The following TREML1 variants were observed in gnomAD, a reference collection of about 807,000 sequenced individuals.
The protein encoded by TREML1 is trem-like transcript 1 protein.
A neutral mutation model predicts 22.8 loss-of-function variants in TREML1; 27 were observed. The observed-to-expected ratio is 1.19, with a 90% CI of 0.87 to 1.64. The LOEUF (loss-of-function observed/expected upper bound fraction) is 1.64. TREML1 is among the 40% of genes most tolerant of loss of function. The pLI is 0.00. For synonymous variants in TREML1, 153 were observed against 161.9 expected (o/e 0.94, Z 0.42); for missense variants, 356 against 382.0 (o/e 0.93, Z 0.57).
chr6:41,151,210 TG>T, intron 3 of TREML1, 71 bp downstream of exon 3: 3 of 1,340,446 alleles, frequency 2.2e-6, no homozygotes, highest in Non-Finnish European at 3.2e-6. Flanking sequence ...CGATTTAGTT[TG>T]GAGCTCTAAA....
At chr6:41,151,557 C>A in intron 2 of TREML1, 173 bp from the exon 3 acceptor site, 1 of 609,254 alleles carries the variant, frequency 1.6e-6, no homozygotes, top group Non-Finnish European at 2.9e-6. Context: ...AGGGGCCTGT[C>A]ACTCCACAGA....
chr6:41,151,173 G>T, intron 3 of TREML1, 109 bp downstream of exon 3: 1 of 999,104 alleles, frequency 1.0e-6, no homozygotes, highest in South Asian at 1.4e-5. Flanking sequence ...TTCCCCAGAG[G>T]TGGGAAGAAT....
At chr6:41,151,604 G>T (rs1765249998) in intron 2 of TREML1, 2 of 551,198 alleles carry the variant, frequency 3.6e-6, no homozygotes. Context: ...TCTTTACCTG[G>T]TTGTGACTAC....
intron 5 of TREML1, 55 bp from the exon 6 acceptor site, chr6:41,149,973 T>A: frequency 6.5e-7 from 1 of 1,548,994 alleles, no homozygotes; most frequent in East Asian, 2.2e-5. Flanking sequence ...GAACTCCCTT[T>A]GGTGGGAAGC....
intron 2 of TREML1, among the ~76,000 whole-genome samples, chr6:41,151,935 C>A (rs1561873586): frequency 6.6e-6 from 1 of 152,170 alleles, no homozygotes; most frequent in African/African-American, 2.4e-5. Flanking sequence ...CAACACAAAC[C>A]AACTGACCCT....
chr6:41,152,780 C>A, intron 2 of TREML1, among the ~76,000 whole-genome samples: 1 of 151,976 alleles, frequency 6.6e-6, no homozygotes, highest in Non-Finnish European at 1.5e-5. Context: ...GGCTGAGACA[C>A]AAGAATCACT....
Position 41,154,008 on chromosome 6 carries a change from G to T in TREML1, c.126C>A (p.Leu42=). 6.2e-7 allele frequency: 1 copy of T among 1,614,158 alleles called. No individual in the cohort carries two copies. The highest frequency in any genetic ancestry group is 8.5e-7 in the Non-Finnish European group (1 of 1,180,026). The change falls in exon 2 of 6, where the codon CTC becomes CTA. Residue 42 remains leucine, a synonymous_variant. Transcript: ENST00000426005. The stretch of plus-strand genomic sequence containing the variant: ...ACACCTTCTGAGCTTTGACATCCTG[G>T]AGCCTGTAGTGGCACTGCACCAGAA... ...SSILVQCHYR[L]QDVKAQKVWC...
Position 41,150,875 on chromosome 6 carries a change from A to AC in TREML1, c.511dup (p.Val171GlyfsTer48). ...CACCACCGCTGCCACCAGCAGACCT[A>AC]CCAGGAGCACAGCACCCCAGATCAA... On this transcript the variant is annotated frameshift_variant, in exon 4 of 6. Transcript: ENST00000426005. LOFTEE classifies it high-confidence loss of function. 6.2e-7 allele frequency: 1 copy of AC among 1,614,128 alleles called. No homozygotes were observed. The highest frequency in any genetic ancestry group is 2.2e-5 in the East Asian group (1 of 44,876).
rs1041515038 is a variant in TREML1, at chr6:41,150,445, A to G, written c.569-132T>C. The stretch of plus-strand genomic sequence containing the variant: ...CTCACCTTCCCCACTCCCACCACCA[A>G]ACCTTTACCCCTTCCATCTCCCCAG... On this transcript the variant is annotated intron_variant, in intron 4 of 5. Transcript: ENST00000426005. 5 of 795,248 alleles carry G rather than the reference A, an allele frequency of 6.3e-6. No homozygotes were observed. In the Admixed American group the frequency reaches 7.5e-5, roughly 12 times the overall value. 49.3% of individuals were successfully genotyped at this position (795,248 alleles called of 1,614,324 possible).
At chr6:41,151,017 A>G in intron 3 of TREML1, 110 bp from the exon 4 acceptor site, 1 of 930,838 alleles carries the variant, frequency 1.1e-6, no homozygotes, top group Non-Finnish European at 1.7e-6. Flanking sequence ...TGGGAGAGGG[A>G]GATGAAATAG....
rs1765363651 is a variant in TREML1 at position 41,154,229 on chromosome 6, C to T, written c.43+17G>A. ...GAGCATATGGGGCCCAGAGCTGCAGCTCCTCCTGAACCTTACCTTCTAGTC... is the reference window on the plus strand; with the variant it reads ...GAGCATATGGGGCCCAGAGCTGCAGTTCCTCCTGAACCTTACCTTCTAGTC... On this transcript the variant is annotated intron_variant, in intron 1 of 5. Transcript: ENST00000426005. 6.2e-7 allele frequency: 1 copy of T among 1,612,780 alleles called. No homozygotes were observed. Among genetic ancestry groups the T allele is most frequent in the Non-Finnish European group, 8.5e-7 (1 of 1,179,314 alleles).
chr6:41,155,235 C>G, upstream of TREML1, among the ~76,000 whole-genome samples: 1 of 152,152 alleles, frequency 6.6e-6, no homozygotes, highest in Non-Finnish European at 1.5e-5. Context: ...GCTGCATGTT[C>G]TAGTCCTTCT....
intron 2 of TREML1, among the ~76,000 whole-genome samples, chr6:41,152,885 A>C (rs899005109): frequency 2.6e-5 from 4 of 152,106 alleles, no homozygotes; most frequent in African/African-American, 9.7e-5. Context: ...AAAACAAAAA[A>C]CAAGGGAAGG....
At position 41,154,237 on chromosome 6, in the gene TREML1, G is replaced by A. The variant is rs1468134310; in HGVS notation, c.43+9C>T. On this transcript the variant is annotated intron_variant, in intron 1 of 5. Transcript: ENST00000426005. ...GGGGCCCAGAGCTGCAGCTCCTCCT[G>A]AACCTTACCTTCTAGTCCCAGGAGC... 2 of 1,613,670 alleles carry A rather than the reference G, an allele frequency of 1.2e-6. No individual in the cohort carries two copies. The highest frequency in any genetic ancestry group is 1.7e-6 in the Non-Finnish European group (2 of 1,179,856).
At chr6:41,154,478 G>A (rs528844789), upstream of TREML1, 41 of 584,576 alleles carry the variant, frequency 7.0e-5, no homozygotes, top group South Asian at 7.4e-4. Flanking sequence ...TGCCCTGAGG[G>A]TAAGGGTGGG....
intron 3 of TREML1, among the ~76,000 whole-genome samples, 174 bp from the exon 4 acceptor site, chr6:41,151,081 G>A (rs928361534): frequency 6.6e-6 from 1 of 152,190 alleles, no homozygotes. Context: ...AAGGTATCCT[G>A]GCTGAAGAAT....
chr6:41,151,470 A>G, intron 2 of TREML1, 86 bp from the exon 3 acceptor site: 1 of 1,229,210 alleles, frequency 8.1e-7, no homozygotes, highest in Non-Finnish European at 1.2e-6. Flanking sequence ...TTGAGGTCTG[A>G]GGGACTGGAG....
At chr6:41,153,598 C>A (rs1340503330) in intron 2 of TREML1, among the ~76,000 whole-genome samples, 160 bp downstream of exon 2, 1 of 151,988 alleles carries the variant, frequency 6.6e-6, no homozygotes, top group Non-Finnish European at 1.5e-5. Context: ...GACTTCCCAC[C>A]CAGTTTGGTT....
chr6:41,151,485 G>A (rs1765245721), intron 2 of TREML1, 101 bp from the exon 3 acceptor site: 1 of 1,076,560 alleles, frequency 9.3e-7, no homozygotes, highest in East Asian at 2.4e-5. Flanking sequence ...CTGGAGGAGT[G>A]GAGCCAAGGA....
Sources: gnomAD v4.1 joint callset for allele counts (sites outside exome capture counted in the v4.1 genomes callset) on GRCh38, gnomAD v4.1.1 for gene constraint, MANE v1.5 for transcripts, NCBI Gene and HGNC (gene_info 2026-07-23, HGNC 2026-07-21) for gene names.